The following FAM47E variants were observed in gnomAD, a reference collection of about 807,000 sequenced individuals.
FAM47E encodes the protein family with sequence similarity 47 member E, also known as protein FAM47E.
Under a neutral mutation model 41.6 loss-of-function variants are expected in FAM47E, and 32 were observed. The observed-to-expected ratio is 0.77, with a 90% CI of 0.58 to 1.03. The LOEUF (loss-of-function observed/expected upper bound fraction) is 1.03, where lower values mean the gene tolerates loss of function less well. Among genes scored for constraint, FAM47E ranks in the 50% least tolerant of loss-of-function variants. The pLI is 0.00. For missense variants in FAM47E, 424 were observed against 485.4 expected (o/e 0.87, Z 1.19); for synonymous variants, 184 against 188.7 (o/e 0.98, Z 0.20).
chr4:76,236,802 A>C (rs1363943030), intron 2 of FAM47E: 1 of 152,158 alleles, frequency 6.6e-6, no homozygotes, highest in Non-Finnish European at 1.5e-5. Context: ...GGGTTAAGAC[A>C]AAGGATTGTG....
chr4:76,215,063 T>C (rs998518194), intron 1 of FAM47E, among the ~76,000 whole-genome samples: 43 of 152,256 alleles, frequency 2.8e-4, no homozygotes, highest in African/African-American at 1.0e-3. Flanking sequence ...AGGCCCGCCT[T>C]AGTATCCCTG....
chr4:76,262,107 T>C (rs368303110), intron 2 of FAM47E, among the ~76,000 whole-genome samples: 33 of 152,300 alleles, frequency 2.2e-4, no homozygotes, highest in African/African-American at 5.3e-4. Flanking sequence ...GATTTCCCTA[T>C]ACCCAGAACA....
At position 76,223,259 on chromosome 4, in the gene FAM47E, A is replaced by T. The variant is rs146781800; in HGVS notation, c.81+5571A>T. ...TTAACCAAGTGTTCCCTCCAAACAC[A>T]TACAGTGCTTGGCCTGTGAAAGGCT... On this transcript the variant is annotated intron_variant, in intron 2 of 7. Transcript: ENST00000510197. Among the ~76,000 whole-genome samples, 22 of 152,326 alleles carry T rather than the reference A, an allele frequency of 1.4e-4. No individual in the cohort carries two copies. In the East Asian group the frequency reaches 3.9e-3, roughly 27 times the overall value.
intron 1 of FAM47E, among the ~76,000 whole-genome samples, chr4:76,255,589 G>A (rs1176714888): frequency 1.3e-5 from 2 of 152,166 alleles, no homozygotes; most frequent in Non-Finnish European, 2.9e-5. Context: ...GGGCTGAGTT[G>A]TCAGTGGGAT....
intron 2 of FAM47E, among the ~76,000 whole-genome samples, chr4:76,257,040 G>A (rs991710555): frequency 6.6e-6 from 1 of 152,118 alleles, no homozygotes; most frequent in Non-Finnish European, 1.5e-5. Flanking sequence ...AATGTCCCAG[G>A]CCTCTCCTGA....
Position 76,227,032 on chromosome 4 carries a change from C to T in FAM47E, c.81+9344C>T, listed in dbSNP as rs146122585. Among the ~76,000 whole-genome samples, 674 of 151,524 alleles carry T rather than the reference C, an allele frequency of 4.4e-3. 4 individuals carry two copies. Among genetic ancestry groups the T allele is most frequent in the African/African-American group, 0.016 (643 of 41,292 alleles). On this transcript the variant is annotated intron_variant, in intron 2 of 7. Transcript: ENST00000510197. ...TGTTTGTTTCAATTTCATCTAGTTC[C>T]GCCCTGACCTTTGTTATTTCTTTTC...
intron 3 of FAM47E, chr4:76,268,020 G>A (rs1163456329): frequency 6.6e-6 from 1 of 152,246 alleles, no homozygotes; most frequent in Admixed American, 6.5e-5. Flanking sequence ...CACTTTTGAA[G>A]TGGTAAATTT....
At chr4:76,217,613 G>T (rs1733231926) in exon 2 of FAM47E, 1 of 600,732 alleles carries the variant, frequency 1.7e-6, no homozygotes, top group Non-Finnish European at 3.0e-6. Context: ...ATCCAATGCA[G>T]ATGTCTGTGC....
At chr4:76,254,708 A>C (rs1436260803) in intron 1 of FAM47E, among the ~76,000 whole-genome samples, 2 of 152,192 alleles carry the variant, frequency 1.3e-5, no homozygotes, top group Non-Finnish European at 2.9e-5. Context: ...TATAGATAAA[A>C]GGGGTCTGAA....
At chr4:76,238,178 C>T (rs1021128654) in intron 2 of FAM47E, among the ~76,000 whole-genome samples, 1 of 152,198 alleles carries the variant, frequency 6.6e-6, no homozygotes, top group Non-Finnish European at 1.5e-5. Flanking sequence ...TATCAGGTCT[C>T]TTCCTGCCAA....
intron 1 of FAM47E, 102 bp from the exon 2 acceptor site, chr4:76,256,076 A>T (rs1318495489): frequency 2.3e-6 from 3 of 1,331,742 alleles, no homozygotes. Context: ...TAAAAGCTGG[A>T]GACCAGCCTT....
chr4:76,275,087 T>A (rs1735042946), intron 5 of FAM47E, among the ~76,000 whole-genome samples: 1 of 152,190 alleles, frequency 6.6e-6, no homozygotes. Flanking sequence ...GTTTTTTGAT[T>A]GTTGAAGGTG....
intron 2 of FAM47E, chr4:76,234,184 G>A (rs2109987508): frequency 6.6e-6 from 1 of 152,570 alleles, no homozygotes; most frequent in African/African-American, 2.4e-5. Flanking sequence ...GGAAAGAAAA[G>A]GCCATGAAAA....
At chr4:76,275,524 G>A (rs1946959) in intron 5 of FAM47E, among the ~76,000 whole-genome samples, 58,362 of 152,002 alleles carry the variant, frequency 0.38, 11,833 homozygotes, top group African/African-American at 0.49. Flanking sequence ...CTGGGAACAA[G>A]TGAAGCAAAA....
intron 3 of FAM47E, among the ~76,000 whole-genome samples, chr4:76,267,251 T>C (rs551469770): frequency 1.3e-5 from 2 of 152,324 alleles, no homozygotes; most frequent in Admixed American, 1.3e-4. Flanking sequence ...ACAGGGGCTA[T>C]GAATAAAGAG....
chr4:76,263,963 C>T, intron 3 of FAM47E, 120 bp downstream of exon 3: 1 of 1,414,782 alleles, frequency 7.1e-7, no homozygotes, highest in Non-Finnish European at 9.4e-7. Flanking sequence ...AACTAAGTTC[C>T]CAAGGAAGAG....
intron 1 of FAM47E, among the ~76,000 whole-genome samples, chr4:76,253,843 T>G (rs1734074600): frequency 6.7e-6 from 1 of 149,766 alleles, no homozygotes; most frequent in South Asian, 2.1e-4. Flanking sequence ...ATGAGGAAAG[T>G]GGCTCGCGCC....
At chr4:76,255,836 C>T (rs1734167213) in intron 1 of FAM47E, among the ~76,000 whole-genome samples, 1 of 152,086 alleles carries the variant, frequency 6.6e-6, no homozygotes, top group Admixed American at 6.6e-5. Flanking sequence ...TGCATGCACA[C>T]ATAAGGATGC....
chr4:76,266,183 T>C (rs1560747600), intron 3 of FAM47E, among the ~76,000 whole-genome samples: 1 of 152,264 alleles, frequency 6.6e-6, no homozygotes. Context: ...AGTCATCTTT[T>C]ACTGGCCGCT....
Sources: allele counts gnomAD v4.1 joint callset (sites outside exome capture counted in the v4.1 genomes callset), GRCh38; gene constraint gnomAD v4.1.1; transcripts MANE v1.5; gene names NCBI Gene and HGNC (gene_info 2026-07-23, HGNC 2026-07-21).